Variants in C1orf141 observed in about 807,000 individuals in gnomAD.
The protein encoded by C1orf141 is uncharacterized protein C1orf141.
Under a neutral mutation model 23.2 loss-of-function variants are expected in C1orf141, and 19 were observed. The ratio of observed to expected loss-of-function variants is 0.82; its 90% confidence interval spans 0.57 to 1.20. The LOEUF (loss-of-function observed/expected upper bound fraction) is 1.20, where lower values mean the gene tolerates loss of function less well. Ranked by LOEUF, C1orf141 falls within the 50% of genes most tolerant of loss-of-function variation. The pLI is 0.00. For synonymous variants in C1orf141, 153 were observed against 154.6 expected (o/e 0.99, Z 0.08); for missense variants, 469 against 455.1 (o/e 1.03, Z -0.28).
intron 1 of C1orf141, among the ~76,000 whole-genome samples, chr1:67,140,664 C>A (rs1182400957): frequency 6.6e-6 from 1 of 152,106 alleles, no homozygotes; most frequent in Non-Finnish European, 1.5e-5. Flanking sequence ...AGCAGTTTCA[C>A]TTCCAAAAAT....
intron 5 of C1orf141, among the ~76,000 whole-genome samples, chr1:67,106,593 G>A (rs563320858): frequency 6.6e-6 from 1 of 152,320 alleles, no homozygotes; most frequent in South Asian, 2.1e-4. Context: ...GGGAGGCAGA[G>A]GTTGCAGCAA....
rs779994848 is a variant in C1orf141, at chr1:67,125,817, T to G, written c.168A>C (p.Thr56=). Residue 56 remains threonine, a synonymous_variant, in exon 4 of 8, where the codon ACA becomes ACC. Transcript: ENST00000684719. ...TCTTTGATATTGCCTTAGACGCGGA[T>G]GTAGCAAGAGCTTCTTCAAATTCCA... ...FQLEFEEALA[T]SASKAISKIK... 7 of 1,613,722 alleles carry G rather than the reference T, an allele frequency of 4.3e-6. No homozygotes were observed. In the South Asian group the frequency reaches 6.6e-5, roughly 15 times the overall value.
intron 2 of C1orf141, among the ~76,000 whole-genome samples, chr1:67,128,825 T>C (rs1646467314): frequency 6.6e-6 from 1 of 152,186 alleles, no homozygotes; most frequent in South Asian, 2.1e-4. Flanking sequence ...TACAGAATCA[T>C]CAATGTTTTC....
intron 5 of C1orf141, among the ~76,000 whole-genome samples, chr1:67,105,183 G>A (rs757326968): frequency 1.3e-4 from 19 of 151,864 alleles, no homozygotes; most frequent in African/African-American, 4.6e-4. Flanking sequence ...AAAATAAGCC[G>A]GGTGTGGTGG....
chr1:67,100,237 G>T (rs756758246), intron 5 of C1orf141, among the ~76,000 whole-genome samples: 4 of 152,032 alleles, frequency 2.6e-5, no homozygotes, highest in Non-Finnish European at 4.4e-5. Context: ...CTCAGTGTTG[G>T]ATACCTGTTT....
At chr1:67,136,992 T>A (rs76328469), upstream of C1orf141, among the ~76,000 whole-genome samples, 5,266 of 152,314 alleles carry the variant, frequency 0.035, 289 homozygotes, top group African/African-American at 0.12. Context: ...GCCTAATGAA[T>A]GTTTTATTTT....
intron 5 of C1orf141, among the ~76,000 whole-genome samples, chr1:67,102,243 T>G (rs1328171208): frequency 1.3e-5 from 2 of 151,496 alleles, no homozygotes; most frequent in African/African-American, 4.9e-5. Context: ...AATACTACAA[T>G]CAAATTCAAC....
intron 5 of C1orf141, 104 bp downstream of exon 5, chr1:67,115,248 G>C (rs1308449425): frequency 1.7e-6 from 1 of 581,124 alleles, no homozygotes; most frequent in East Asian, 3.4e-5. Flanking sequence ...TTTTGACAGA[G>C]ATCAAATTAT....
At chr1:67,119,590 T>C (rs1262601761) in intron 4 of C1orf141, among the ~76,000 whole-genome samples, 3 of 152,160 alleles carry the variant, frequency 2.0e-5, no homozygotes, top group Non-Finnish European at 2.9e-5. Flanking sequence ...ACTAAAGGTA[T>C]AGTAAGTTGA....
intron 5 of C1orf141, among the ~76,000 whole-genome samples, chr1:67,102,476 T>G (rs72922813): frequency 6.6e-6 from 1 of 151,718 alleles, no homozygotes; most frequent in Non-Finnish European, 1.5e-5. Context: ...TACGGGGGAG[T>G]TGGCGTTGGG....
Position 67,093,487 on chromosome 1 carries a change from T to C in C1orf141, c.721A>G (p.Lys241Glu). The C allele has an allele frequency of 6.8e-6, 11 of 1,609,632 alleles. No homozygotes were observed. The highest frequency in any genetic ancestry group is 2.2e-5 in the South Asian group (2 of 90,690). Residue 241 changes from lysine (K) to glutamate (E), a missense_variant, in exon 8 of 8, where the codon AAA becomes GAA. Coordinates refer to ENST00000684719, the MANE Select transcript of C1orf141 (RefSeq NM_001276351.2). ...CTTTCTAAAATGAAATTTGTTCTTT[T>C]ATGTGGGTAAATGTTTTCATTTTCC... is the stretch of plus-strand genomic sequence containing the variant. ...PLENENIYPH[K>E]RTNFILERNC...
intron 5 of C1orf141, among the ~76,000 whole-genome samples, chr1:67,104,244 T>G (rs958926484): frequency 5.3e-5 from 8 of 151,994 alleles, no homozygotes; most frequent in Admixed American, 5.3e-4. Flanking sequence ...ACAGGAAAGA[T>G]TTCATAGAGG....
At chr1:67,101,629 G>GA (rs1645802240) in intron 5 of C1orf141, among the ~76,000 whole-genome samples, 1 of 151,938 alleles carries the variant, frequency 6.6e-6, no homozygotes, top group African/African-American at 2.4e-5. Flanking sequence ...ATTATAATAT[G>GA]AGGCAGATTT....
chr1:67,094,766 G>T (rs940817259), intron 7 of C1orf141: 2 of 152,876 alleles, frequency 1.3e-5, no homozygotes, highest in African/African-American at 4.8e-5. Flanking sequence ...GGTTGAAAAA[G>T]CCAAAACAGA....
chr1:67,113,273 C>G (rs1185696907), intron 5 of C1orf141, among the ~76,000 whole-genome samples: 9 of 152,282 alleles, frequency 5.9e-5, no homozygotes, highest in South Asian at 4.1e-4. Flanking sequence ...AACCACCCTG[C>G]CTGGTTGAAG....
At chr1:67,130,238 G>C (rs1646492919) in intron 2 of C1orf141, among the ~76,000 whole-genome samples, 1 of 152,144 alleles carries the variant, frequency 6.6e-6, no homozygotes, top group African/African-American at 2.4e-5. Flanking sequence ...GGGGGAGAAG[G>C]CTTTCATATT....
At chr1:67,130,882 A>C (rs537667136) in intron 2 of C1orf141, among the ~76,000 whole-genome samples, 1 of 152,364 alleles carries the variant, frequency 6.6e-6, no homozygotes, top group African/African-American at 2.4e-5. Flanking sequence ...CAATGTGCCA[A>C]TGGTGCCTAA....
Position 67,125,621 on chromosome 1 carries a change from C to A in C1orf141, c.233+131G>T, listed in dbSNP as rs377459642. 8 of 863,310 alleles carry A rather than the reference C, an allele frequency of 9.3e-6. No individual in the cohort carries two copies. The South Asian group carries it at 1.1e-4, about 12-fold the overall frequency. The allele number at this position is 863,310 out of a possible 1,614,324, so 53.5% of individuals were successfully genotyped here. Reference sequence around the variant, plus strand: ...GGCCAAGGTGGGAGAATCACCTAAACCTGGGAAGTTGAGGCTGCAGTGAGC... The same window carrying A: ...GGCCAAGGTGGGAGAATCACCTAAAACTGGGAAGTTGAGGCTGCAGTGAGC... On this transcript the variant is annotated intron_variant, in intron 4 of 7. Coordinates refer to ENST00000684719, the MANE Select transcript of C1orf141 (RefSeq NM_001276351.2).
At chr1:67,141,379 A>C (rs1439313144) in intron 1 of C1orf141, among the ~76,000 whole-genome samples, 1 of 152,126 alleles carries the variant, frequency 6.6e-6, no homozygotes, top group Non-Finnish European at 1.5e-5. Flanking sequence ...TGGCCAAAAG[A>C]CTTTTTTCTT....
Sources: gnomAD v4.1 joint callset for allele counts (sites outside exome capture counted in the v4.1 genomes callset) on GRCh38, gnomAD v4.1.1 for gene constraint, MANE v1.5 for transcripts, NCBI Gene and HGNC (gene_info 2026-07-23, HGNC 2026-07-21) for gene names.